Variants in AGAP3 observed in about 807,000 individuals in gnomAD.
AGAP3 encodes arf-GAP with GTPase, ANK repeat and PH domain-containing protein 3.
In AGAP3, 24 loss-of-function variants were observed where a neutral mutation model predicts 96.9. The ratio of observed to expected loss-of-function variants is 0.25; its 90% CI spans 0.18 to 0.35. The LOEUF is 0.35. Ranked by LOEUF, AGAP3 falls within the 10% of genes least tolerant of loss-of-function variation. The pLI, the probability that AGAP3 is intolerant of heterozygous loss-of-function variation, is 1.00. For synonymous variants in AGAP3, 563 were observed against 536.1 expected, an observed-to-expected ratio of 1.05 and a Z score of -0.69; for missense variants, 876 against 1,254.2, an observed-to-expected ratio of 0.70 and a Z score of 4.55.
rs879617716 is a variant in AGAP3 at position 151,123,224 on chromosome 7, CCT to C, written c.1129-567_1129-566del. ...CGCCGCCGCCGCGCTTGCCTTGCCC[CCT>C]CTTTTTGGCCTCCCCCTATTTCCTA... On this transcript the variant is annotated intron_variant, in intron 8 of 17. Transcript: ENST00000397238. 37 of 1,075,616 alleles carry C rather than the reference CCT, an allele frequency of 3.4e-5. No individual in the cohort carries two copies. In the African/African-American group the frequency reaches 5.5e-4, roughly 16 times the overall value. 66.6% of individuals were successfully genotyped at this position (1,075,616 alleles called of 1,614,324 possible).
Position 151,086,669 on chromosome 7 carries a change from TGCC to T in AGAP3, c.-51_-49del, listed in dbSNP as rs570588152. ...CCAGCCCCGCGCTCCCGCTCGCCGC[TGCC>T]GCCGCCGCCGCCGCCGCCGCCTCCG... is the stretch of plus-strand genomic sequence containing the variant. On this transcript the variant is annotated 5_prime_UTR_variant, in exon 1 of 18. Transcript: ENST00000397238. The T allele has an allele frequency of 0.71, 112,775 of 158,690 alleles. 40,283 individuals carry two copies. The highest frequency in any genetic ancestry group is 0.78 in the East Asian group (3,658 of 4,684). 9.8% of individuals were successfully genotyped at this position (158,690 alleles called of 1,614,324 possible).
At position 151,108,468 on chromosome 7, in the gene AGAP3, T is replaced by C. The variant is rs966015160; in HGVS notation, c.332-8325T>C. On this transcript the variant is annotated intron_variant, in intron 1 of 17. Coordinates refer to ENST00000397238, the MANE Select transcript of AGAP3 (RefSeq NM_031946.7). This position sits in a 1 kb window ranked among gnomAD's most constrained non-coding sequence, Gnocchi z 4.2. ...CCACCAGCACCTCTGCCGCCTTCTCTCCCTCAGCTTTTCCCTGGGGAGGAG... is the reference window on the plus strand; with the variant it reads ...CCACCAGCACCTCTGCCGCCTTCTCCCCCTCAGCTTTTCCCTGGGGAGGAG... 9.9e-5 allele frequency among the ~76,000 whole-genome samples: 15 copies of C among 151,996 alleles called. 1 individual carries two copies. Among genetic ancestry groups the C allele is most frequent in the African/African-American group, 3.6e-4 (15 of 41,358 alleles).
chr7:151,142,743 CTG>C lies in AGAP3; in HGVS notation c.2273+111_2273+112del. Reference sequence around the variant, plus strand: ...ATGGTATTAGAAGGGTTAAAACTGTCTGTTGCTCTGCTTGGCAGTTGGCCCCT... The same window carrying C: ...ATGGTATTAGAAGGGTTAAAACTGTCTTGCTCTGCTTGGCAGTTGGCCCCT... On this transcript the variant is annotated intron_variant, in intron 16 of 17. Transcript: ENST00000397238. The surrounding 1 kb of genome is among the most constrained non-coding windows in gnomAD (Gnocchi z 7.5). 2 of 1,214,384 alleles carry C rather than the reference CTG, an allele frequency of 1.6e-6. No homozygotes were observed. The highest frequency in any genetic ancestry group is 2.3e-6 in the Non-Finnish European group (2 of 875,760). 75.2% of individuals were successfully genotyped at this position (1,214,384 alleles called of 1,614,324 possible). A position where few individuals can be genotyped will look rare whatever the true frequency, so the allele number is the denominator to read the frequency against.
intron 1 of AGAP3, among the ~76,000 whole-genome samples, chr7:151,112,436 T>TGTGTCC (rs1799336068): frequency 6.9e-6 from 1 of 145,976 alleles, no homozygotes; most frequent in Non-Finnish European, 1.5e-5. Flanking sequence ...TGTGTGTGTG[T>TGTGTCC]CCAGCATGTG....
intron 10 of AGAP3, 150 bp downstream of exon 10, chr7:151,128,834 C>T: frequency 1.4e-6 from 1 of 714,288 alleles, no homozygotes; most frequent in East Asian, 2.7e-5. Flanking sequence ...GAACCTCACA[C>T]TGGCAGCTTG....
Position 151,139,237 on chromosome 7 carries a change from C to T in AGAP3, c.1667-742C>T, listed in dbSNP as rs1003462432. ...AGCCCTCCCAGTAGGAGCCCTGAGG[C>T]CCAGCCTCTGAGCTGCCATGGCCTC... On this transcript the variant is annotated intron_variant, in intron 12 of 17. Transcript: ENST00000397238. This position sits in a 1 kb window ranked among gnomAD's most constrained non-coding sequence, Gnocchi z 4.9. Among the ~76,000 whole-genome samples the T allele has an allele frequency of 5.3e-5, 8 of 152,232 alleles. No individual in the cohort carries two copies. The highest frequency in any genetic ancestry group is 8.8e-5 in the Non-Finnish European group (6 of 68,044).
rs1446426434 is a variant in AGAP3, at chr7:151,142,587, G to T, written c.2226G>T (p.Trp742Cys). 1 of 1,613,530 alleles carries T rather than the reference G, an allele frequency of 6.2e-7. No homozygotes were observed. The highest frequency in any genetic ancestry group is 8.5e-7 in the Non-Finnish European group (1 of 1,180,026). Residue 742 changes from tryptophan (W) to cysteine (C), a missense_variant, in exon 16 of 18, where the codon TGG (tryptophan) becomes TGT (cysteine). Physicochemically the swap from Trp to Cys is radical, Grantham distance 215. This residue lies in a region of AGAP3 where 213 missense variants were observed against 253.8 expected (regional missense o/e 0.84). Transcript: ENST00000397238. This position sits in a 1 kb window ranked among gnomAD's most constrained non-coding sequence, Gnocchi z 7.5. ...GCAATGCCCTCGCCAACAGCGTCTG[G>T]GAGGGGGCCTTGGGTGGCTACTCCA... is the stretch of plus-strand genomic sequence containing the variant. ...AMGNALANSV[W>C]EGALGGYSKP...
intron 1 of AGAP3, among the ~76,000 whole-genome samples, chr7:151,100,877 C>T (rs1399817656): frequency 6.6e-6 from 1 of 152,148 alleles, no homozygotes; most frequent in East Asian, 1.9e-4. Context: ...ATAAATAGAC[C>T]TGGCTCTGTC....
intron 1 of AGAP3, 106 bp downstream of exon 1, chr7:151,087,178 T>C: frequency 7.9e-7 from 1 of 1,271,888 alleles, no homozygotes; most frequent in Non-Finnish European, 1.1e-6. Flanking sequence ...TCGGGGGTCC[T>C]TGCGCGCTTG....
Position 151,138,188 on chromosome 7 carries a change from C to T in AGAP3, c.1541C>T (p.Pro514Leu). The change falls in exon 12 of 18, where the codon CCC becomes CTC. Residue 514 changes from proline to leucine, a missense_variant. Coordinates refer to ENST00000397238, the MANE Select transcript of AGAP3 (RefSeq NM_031946.7). Reference sequence around the variant, plus strand: ...AGCGCATCCCTGCACTCTGAGCGCCCCCTCAGCAGCTCGGCCTGGGCTGGC... The same window carrying T: ...AGCGCATCCCTGCACTCTGAGCGCCTCCTCAGCAGCTCGGCCTGGGCTGGC... ...ASSASLHSER[P>L]LSSSAWAGPR... is the part of the protein sequence containing the mutation. 6.2e-7 allele frequency: 1 copy of T among 1,609,882 alleles called. No individual in the cohort carries two copies. The highest frequency in any genetic ancestry group is 8.5e-7 in the Non-Finnish European group (1 of 1,178,692).
At chr7:151,098,873 A>G (rs1319314552) in intron 1 of AGAP3, among the ~76,000 whole-genome samples, 1 of 148,864 alleles carries the variant, frequency 6.7e-6, no homozygotes, top group Non-Finnish European at 1.5e-5. Flanking sequence ...AGCTGGGATT[A>G]CAGGTGCATG....
chr7:151,131,849 G>A (rs1800416218), intron 10 of AGAP3, among the ~76,000 whole-genome samples: 1 of 152,176 alleles, frequency 6.6e-6, no homozygotes, highest in South Asian at 2.1e-4. Context: ...CGTGGGGCCT[G>A]GAAACTGTTG....
In AGAP3 at chr7:151,117,633, T is replaced by A. The variant is rs1181715532; in HGVS notation, c.565-3T>A. The A allele has an allele frequency of 6.2e-7, 1 of 1,613,908 alleles. No individual in the cohort carries two copies. Among genetic ancestry groups the A allele is most frequent in the Non-Finnish European group, 8.5e-7 (1 of 1,179,928 alleles). On this transcript the variant is annotated splice_region_variant and splice_polypyrimidine_tract_variant and intron_variant, in intron 4 of 17. Transcript: ENST00000397238. ...GGTGCTAATTTTACTTGCTCTACCC[T>A]AGTTTGCTGCCTGGGTGGATGCAGT...
At chr7:151,094,959 C>G (rs950839769) in intron 1 of AGAP3, among the ~76,000 whole-genome samples, 1 of 152,026 alleles carries the variant, frequency 6.6e-6, no homozygotes, top group African/African-American at 2.4e-5. Flanking sequence ...ACTGCAACTT[C>G]AAATTCCTAA....
At chr7:151,100,584 C>A (rs1422350387) in intron 1 of AGAP3, among the ~76,000 whole-genome samples, 2 of 152,198 alleles carry the variant, frequency 1.3e-5, no homozygotes, top group East Asian at 1.9e-4. Flanking sequence ...GTAGTCCCAG[C>A]ACTTTGGGAG....
rs1264799444 is a variant in AGAP3 at position 151,101,901 on chromosome 7, G to A, written c.331+14829G>A. Among the ~76,000 whole-genome samples, 4 of 152,206 alleles carry A rather than the reference G, an allele frequency of 2.6e-5. No homozygotes were observed. The East Asian group carries it at 7.7e-4, about 29-fold the overall frequency. ...CAAAGGTGGGCCGGTGCGCCTGGGT[G>A]AGGGGAGCCATGCGGGGGTGAGGGC... On this transcript the variant is annotated intron_variant, in intron 1 of 17. Coordinates refer to ENST00000397238, the MANE Select transcript of AGAP3 (RefSeq NM_031946.7).
chr7:151,115,411 C>T (rs1429612180), intron 1 of AGAP3: 2 of 1,009,078 alleles, frequency 2.0e-6, no homozygotes, highest in East Asian at 9.0e-5. Context: ...CCGCCGCGCG[C>T]GCGCACCCGT....
chr7:151,138,549 C>T (rs1362997282), intron 12 of AGAP3, among the ~76,000 whole-genome samples: 1 of 152,188 alleles, frequency 6.6e-6, no homozygotes, highest in East Asian at 1.9e-4. Context: ...CATGTGCAGC[C>T]CTTTTCCCCA....
intron 2 of AGAP3, 113 bp from the exon 3 acceptor site, chr7:151,116,982 C>G: frequency 6.8e-7 from 1 of 1,472,726 alleles, no homozygotes; most frequent in Non-Finnish European, 9.5e-7. Context: ...TGCCCTCTCT[C>G]CTCCCCTTCA....
Sources: gnomAD v4.1 joint callset for allele counts (sites outside exome capture counted in the v4.1 genomes callset) on GRCh38, gnomAD v4.1.1 for gene constraint, gnomAD v4.1.1 regional missense constraint, Gnocchi (gnomAD v3.1) non-coding constraint, MANE v1.5 for transcripts, NCBI Gene and HGNC (gene_info 2026-07-23, HGNC 2026-07-21) for gene names.